CCDC102B: variants seen among roughly 807,000 people sequenced by gnomAD.
CCDC102B encodes the protein coiled-coil domain containing 102B, also known as coiled-coil domain-containing protein 102B.
In CCDC102B, 75 loss-of-function variants were observed where a neutral mutation model predicts 57.4. The ratio of observed to expected loss-of-function variants is 1.31; its 90% confidence interval spans 1.08 to 1.58. The LOEUF (loss-of-function observed/expected upper bound fraction) is 1.58. Ranked by LOEUF, CCDC102B falls within the 40% of genes most tolerant of loss-of-function variation. The probability of loss-of-function intolerance (pLI) is 0.00; values close to 1 mark genes in which losing one functional copy is unlikely to be tolerated. For missense variants in CCDC102B, 636 were observed against 582.6 expected (o/e 1.09, Z -0.94); for synonymous variants, 206 against 201.9 (o/e 1.02, Z -0.17).
chr18:69,046,995 G>A (rs1313021204), intron 7 of CCDC102B, among the ~76,000 whole-genome samples: 1 of 152,072 alleles, frequency 6.6e-6, no homozygotes, highest in Non-Finnish European at 1.5e-5. Context: ...TTTGGTTACT[G>A]TAGCCTTGTA....
chr18:68,962,937 A>G (rs766096828), intron 6 of CCDC102B, among the ~76,000 whole-genome samples: 10 of 151,962 alleles, frequency 6.6e-5, no homozygotes, highest in Non-Finnish European at 8.8e-5. Context: ...AATCTAAACA[A>G]TTCTTCCCAT....
chr18:69,053,188 A>G (rs2052750542), intron 7 of CCDC102B, among the ~76,000 whole-genome samples: 1 of 151,922 alleles, frequency 6.6e-6, no homozygotes, highest in African/African-American at 2.4e-5. Context: ...AAGAGACCAC[A>G]GATGAAACAT....
chr18:68,876,578 C>T (rs551492981), intron 5 of CCDC102B, among the ~76,000 whole-genome samples: 1 of 152,110 alleles, frequency 6.6e-6, no homozygotes, highest in East Asian at 1.9e-4. Context: ...TCTCCTGTAT[C>T]TCAATTCCTC....
At chr18:68,719,409 C>A (rs1385654159) in intron 2 of CCDC102B, among the ~76,000 whole-genome samples, 1 of 152,158 alleles carries the variant, frequency 6.6e-6, no homozygotes, top group Non-Finnish European at 1.5e-5. Flanking sequence ...AATGAGGGGT[C>A]CAAAGGCCTG....
intron 7 of CCDC102B, among the ~76,000 whole-genome samples, chr18:69,040,277 G>C (rs895661673): frequency 1.3e-5 from 2 of 151,664 alleles, no homozygotes; most frequent in Non-Finnish European, 2.9e-5. Flanking sequence ...TTATATGAAA[G>C]CTCATGAGTG....
chr18:68,742,908 T>C (rs2033452009), intron 2 of CCDC102B, among the ~76,000 whole-genome samples: 1 of 152,202 alleles, frequency 6.6e-6, no homozygotes, highest in South Asian at 2.1e-4. Flanking sequence ...GCTGTATTTC[T>C]GGGGATGCCT....
chr18:68,801,222 A>C (rs953111180), intron 1 of CCDC102B, among the ~76,000 whole-genome samples: 3 of 152,098 alleles, frequency 2.0e-5, no homozygotes, highest in Non-Finnish European at 4.4e-5. Flanking sequence ...GCATTCTAAG[A>C]ATATATTCTA....
At chr18:68,845,136 T>C (rs1223909981) in intron 3 of CCDC102B, among the ~76,000 whole-genome samples, 1 of 151,882 alleles carries the variant, frequency 6.6e-6, no homozygotes, top group African/African-American at 2.4e-5. Flanking sequence ...ATAGGCTGCT[T>C]CTCCATTTGA....
At chr18:68,768,325 C>T (rs573053551) in intron 2 of CCDC102B, among the ~76,000 whole-genome samples, 4 of 152,252 alleles carry the variant, frequency 2.6e-5, no homozygotes, top group Admixed American at 2.0e-4. Flanking sequence ...CATATTCTGC[C>T]AGAGGATACT....
At chr18:68,805,236 A>C (rs979129527) in intron 1 of CCDC102B, among the ~76,000 whole-genome samples, 1 of 152,220 alleles carries the variant, frequency 6.6e-6, no homozygotes, top group African/African-American at 2.4e-5. Flanking sequence ...AAGATAGCTA[A>C]TGTATGGGAT....
intron 2 of CCDC102B, among the ~76,000 whole-genome samples, chr18:68,780,862 A>T (rs1016126363): frequency 2.0e-5 from 3 of 152,092 alleles, no homozygotes; most frequent in Non-Finnish European, 4.4e-5. Context: ...AGGAGAATGA[A>T]ATCAGTGTCA....
At chr18:68,770,396 T>C (rs559579472) in intron 2 of CCDC102B, among the ~76,000 whole-genome samples, 4 of 152,204 alleles carry the variant, frequency 2.6e-5, no homozygotes, top group Non-Finnish European at 5.9e-5. Flanking sequence ...TGTCAGTTGA[T>C]CTAGACTAAA....
At chr18:68,983,034 G>A (rs920858708) in intron 6 of CCDC102B, among the ~76,000 whole-genome samples, 3 of 151,726 alleles carry the variant, frequency 2.0e-5, no homozygotes, top group African/African-American at 4.8e-5. Flanking sequence ...GTTTTAAAAC[G>A]AGTGCTTTAA....
chr18:68,911,768 A>AAAAAAAAAAAAAAAAAAAAAAAAAAAC (rs2040881108), intron 6 of CCDC102B, among the ~76,000 whole-genome samples: 1 of 144,126 alleles, frequency 6.9e-6, no homozygotes, highest in Non-Finnish European at 1.5e-5. Context: ...AAAAAAAAAA[A>AAAAAAAAAAAAAAAAAAAAAAAAAAAC]AAAAAAAGAT....
chr18:68,968,072 C>T (rs1339160562), intron 6 of CCDC102B, among the ~76,000 whole-genome samples: 1 of 152,146 alleles, frequency 6.6e-6, no homozygotes, highest in Non-Finnish European at 1.5e-5. Context: ...AGAACTAATT[C>T]CAATAATAAT....
chr18:68,772,346 C>A (rs2034667986), intron 2 of CCDC102B, among the ~76,000 whole-genome samples: 1 of 152,014 alleles, frequency 6.6e-6, no homozygotes, highest in Non-Finnish European at 1.5e-5. Context: ...GCAGCCAAAC[C>A]AAATAATTAA....
At chr18:69,027,865 T>C (rs2052034407) in intron 7 of CCDC102B, among the ~76,000 whole-genome samples, 1 of 152,190 alleles carries the variant, frequency 6.6e-6, no homozygotes, top group South Asian at 2.1e-4. Context: ...TGTGAAATTC[T>C]GAATGAAAGA....
chr18:68,729,977 A>G (rs937921911), intron 2 of CCDC102B, among the ~76,000 whole-genome samples: 6 of 152,210 alleles, frequency 3.9e-5, no homozygotes, highest in African/African-American at 1.4e-4. Context: ...ACATCAAATA[A>G]TATTCAAAGA....
At chr18:68,933,337 G>C (rs1441809510) in intron 6 of CCDC102B, among the ~76,000 whole-genome samples, 2 of 151,812 alleles carry the variant, frequency 1.3e-5, no homozygotes, top group African/African-American at 4.8e-5. Context: ...ACTTGAAATT[G>C]AATTTTAAGG....
Sources: allele counts gnomAD v4.1 joint callset (sites outside exome capture counted in the v4.1 genomes callset), GRCh38; gene constraint gnomAD v4.1.1; transcripts MANE v1.5; gene names NCBI Gene and HGNC (gene_info 2026-07-23, HGNC 2026-07-21).